Variants in STOX2 observed in about 807,000 individuals in gnomAD.
STOX2 encodes storkhead-box protein 2.
In STOX2, 28 loss-of-function variants were observed where a neutral mutation model predicts 60.9. The observed-to-expected ratio is 0.46, with a 90% CI of 0.34 to 0.63. The LOEUF (loss-of-function observed/expected upper bound fraction) is 0.63, where lower values mean the gene tolerates loss of function less well. STOX2 is among the 30% of genes least tolerant of loss of function. The probability of loss-of-function intolerance (pLI) is 0.01; values close to 1 mark genes in which losing one functional copy is unlikely to be tolerated. For synonymous variants in STOX2, 472 were observed against 463.9 expected (o/e 1.02, Z -0.22); for missense variants, 1,024 against 1,187.7 (o/e 0.86, Z 2.03).
chr4:183,858,966 C>T (rs1397593146), intron 1 of STOX2, among the ~76,000 whole-genome samples: 1 of 152,178 alleles, frequency 6.6e-6, no homozygotes, highest in African/African-American at 2.4e-5. Context: ...GTCTTGCTGC[C>T]CTTCTGCTGA....
chr4:183,818,629 T>C (rs1560829539), intron 1 of STOX2, among the ~76,000 whole-genome samples: 1 of 152,072 alleles, frequency 6.6e-6, no homozygotes, highest in Non-Finnish European at 1.5e-5. Context: ...CCAGACGGGG[T>C]GGCGGCCGGG....
chr4:183,950,219 G>C (rs960234176), intron 1 of STOX2, among the ~76,000 whole-genome samples: 5 of 152,178 alleles, frequency 3.3e-5, no homozygotes, highest in African/African-American at 1.2e-4. Flanking sequence ...CATATATTCA[G>C]CACATGTTCA....
At chr4:183,862,078 C>T (rs531547224) in intron 1 of STOX2, among the ~76,000 whole-genome samples, 1 of 152,280 alleles carries the variant, frequency 6.6e-6, no homozygotes, top group Non-Finnish European at 1.5e-5. Flanking sequence ...CAGTTCTTGC[C>T]CTAGGGAGCT....
intron 1 of STOX2, among the ~76,000 whole-genome samples, chr4:183,970,662 C>A (rs1007358744): frequency 1.3e-5 from 2 of 152,216 alleles, no homozygotes; most frequent in African/African-American, 4.8e-5. Context: ...TTGGGCTGAG[C>A]CACCTTCTTC....
intron 1 of STOX2, among the ~76,000 whole-genome samples, chr4:183,984,695 C>T (rs753292494): frequency 9.2e-5 from 14 of 152,314 alleles, no homozygotes; most frequent in Admixed American, 2.6e-4. Context: ...CCCTATGTGA[C>T]GCTGCTATTT....
intron 1 of STOX2, among the ~76,000 whole-genome samples, chr4:183,910,385 T>C (rs1741744362): frequency 6.6e-6 from 1 of 152,190 alleles, no homozygotes; most frequent in African/African-American, 2.4e-5. Context: ...CTCTGTGAAA[T>C]GATTTTCAAG....
intron 1 of STOX2, among the ~76,000 whole-genome samples, chr4:183,885,263 A>G (rs992662300): frequency 1.3e-5 from 2 of 149,516 alleles, no homozygotes; most frequent in Admixed American, 1.3e-4. Flanking sequence ...TATTTGTTTT[A>G]CCCTTTCTTT....
At position 184,009,837 on chromosome 4, in the gene STOX2, C is replaced by A; in HGVS notation, c.999C>A (p.Leu333=). The A allele has an allele frequency of 6.2e-7, 1 of 1,611,700 alleles. No individual in the cohort carries two copies. Among genetic ancestry groups the A allele is most frequent in the Non-Finnish European group, 8.5e-7 (1 of 1,178,988 alleles). The change falls in exon 3 of 4, where the codon CTC becomes CTA. Residue 333 remains leucine, a synonymous_variant. Coordinates refer to ENST00000308497, the MANE Select transcript of STOX2 (RefSeq NM_020225.3). This position sits in a 1 kb window ranked among gnomAD's most constrained non-coding sequence, Gnocchi z 4.0. The stretch of plus-strand genomic sequence containing the variant: ...AAAATGTCATGCGGCACACCGCGCT[C>A]ATGAAGAAACTGGAAGAAGAAAAGG... ...TVENVMRHTA[L]MKKLEEEKAQ... is the part of the protein sequence containing the mutation.
chr4:183,964,065 G>A (rs942730161), intron 1 of STOX2, among the ~76,000 whole-genome samples: 8 of 152,094 alleles, frequency 5.3e-5, no homozygotes, highest in Non-Finnish European at 1.0e-4. Context: ...GTGAGCCACC[G>A]CGCCCAGCTT....
Position 183,804,524 on chromosome 4 carries a change from G to A in STOX2, c.364+6469G>A, listed in dbSNP as rs141969419. ...CAGGCCAGGTCCTGTGGGGCCGTGT[G>A]GGATGGTATTCTGCAGAGAGAAGGC... On this transcript the variant is annotated intron_variant, in intron 1 of 2. Transcript: ENST00000513034. Among the ~76,000 whole-genome samples, 243 of 152,330 alleles carry A rather than the reference G, an allele frequency of 1.6e-3. 1 individual carries two copies. The highest frequency in any genetic ancestry group is 5.5e-3 in the African/African-American group (227 of 41,570).
intron 1 of STOX2, among the ~76,000 whole-genome samples, chr4:183,926,703 A>G (rs1323398706): frequency 1.3e-5 from 2 of 152,050 alleles, no homozygotes; most frequent in Non-Finnish European, 2.9e-5. Flanking sequence ...GGCTCACTGA[A>G]ACCTCCACCT....
intron 1 of STOX2, among the ~76,000 whole-genome samples, chr4:183,839,406 C>T (rs1208603942): frequency 3.9e-5 from 6 of 152,130 alleles, no homozygotes; most frequent in Admixed American, 6.5e-5. Flanking sequence ...TAACGTTCTC[C>T]TGCATATAGG....
chr4:183,832,864 C>T (rs1475624732), intron 1 of STOX2, among the ~76,000 whole-genome samples: 1 of 152,206 alleles, frequency 6.6e-6, no homozygotes, highest in Non-Finnish European at 1.5e-5. Flanking sequence ...ATGAGGTAAA[C>T]TTTATACACA....
At chr4:184,015,122 C>A (rs1031879622) in intron 3 of STOX2, 1 of 152,086 alleles carries the variant, frequency 6.6e-6, no homozygotes, top group Non-Finnish European at 1.5e-5. Flanking sequence ...TCACAGTCAC[C>A]CTAGGAGTAG....
At chr4:183,970,460 C>T (rs1309512560) in intron 1 of STOX2, among the ~76,000 whole-genome samples, 1 of 152,152 alleles carries the variant, frequency 6.6e-6, no homozygotes, top group African/African-American at 2.4e-5. Flanking sequence ...GCACAGTTTG[C>T]CATTCACTGA....
At chr4:183,907,966 C>T (rs1228710154) in intron 1 of STOX2, among the ~76,000 whole-genome samples, 1 of 152,200 alleles carries the variant, frequency 6.6e-6, no homozygotes, top group Non-Finnish European at 1.5e-5. Flanking sequence ...TGTACCAAAT[C>T]ACTCTGAGCC....
chr4:183,925,490 C>T (rs931577140), intron 1 of STOX2, among the ~76,000 whole-genome samples: 22 of 152,194 alleles, frequency 1.4e-4, no homozygotes, highest in South Asian at 4.2e-4. Context: ...GCCCCTCCCC[C>T]GGCACACTTG....
In STOX2 at chr4:183,927,195, C is replaced by T. The variant is rs557891165; in HGVS notation, c.166+20239C>T. Among the ~76,000 whole-genome samples, 214 of 152,290 alleles carry T rather than the reference C, an allele frequency of 1.4e-3. 1 individual carries two copies. The highest frequency in any genetic ancestry group is 3.5e-3 in the African/African-American group (146 of 41,572). ...CAACGCCAAATAGTGGCTTGAGGCC[C>T]GGATGTGGGAGCAGGCTGGCTGAGT... On this transcript the variant is annotated intron_variant, in intron 1 of 3. Transcript: ENST00000308497.
chr4:183,863,598 G>C (rs931151283), intron 1 of STOX2, among the ~76,000 whole-genome samples: 2 of 152,144 alleles, frequency 1.3e-5, no homozygotes, highest in Non-Finnish European at 2.9e-5. Flanking sequence ...GTTTCCATTA[G>C]TATTGCGTGA....
Sources: allele counts gnomAD v4.1 joint callset (sites outside exome capture counted in the v4.1 genomes callset), GRCh38; gene constraint gnomAD v4.1.1; non-coding constraint Gnocchi (gnomAD v3.1); transcripts MANE v1.5; gene names NCBI Gene and HGNC (gene_info 2026-07-23, HGNC 2026-07-21).